ATP8A2: variants seen among roughly 807,000 people sequenced by gnomAD.
The protein encoded by ATP8A2 is ATPase phospholipid transporting 8A2, also known as phospholipid-transporting ATPase IB.
ATP8A2 carries 100 observed loss-of-function variants against 165.6 expected under a neutral mutation model. The ratio of observed to expected loss-of-function variants is 0.60; its 90% confidence interval spans 0.51 to 0.71. The LOEUF is 0.71. ATP8A2 is among the 30% of genes least tolerant of loss of function. ATP8A2 has a pLI of 0.00. For missense variants in ATP8A2, 1,227 were observed against 1,479.5 expected, an observed-to-expected ratio of 0.83 and a Z score of 2.80; for synonymous variants, 543 against 548.8, an observed-to-expected ratio of 0.99 and a Z score of 0.15.
intron 1 of ATP8A2, among the ~76,000 whole-genome samples, chr13:25,427,983 G>A (rs2034498959): frequency 6.6e-6 from 1 of 151,998 alleles, no homozygotes; most frequent in African/African-American, 2.4e-5. Context: ...GATCACTTCA[G>A]CCTAGTCCTT....
At chr13:25,565,340 C>T (rs933791010) in intron 16 of ATP8A2, among the ~76,000 whole-genome samples, 4 of 152,174 alleles carry the variant, frequency 2.6e-5, no homozygotes, top group Non-Finnish European at 4.4e-5. Context: ...GTTTACACTC[C>T]CACCAGCAGT....
intron 25 of ATP8A2, among the ~76,000 whole-genome samples, chr13:25,715,531 T>C (rs1427682337): frequency 1.3e-5 from 2 of 152,184 alleles, no homozygotes; most frequent in Non-Finnish European, 2.9e-5. Flanking sequence ...GGCAACCACT[T>C]ATTTACTTTC....
At position 25,468,800 on chromosome 13, in the gene ATP8A2, C is replaced by T. The variant is rs1447460343; in HGVS notation, c.77-177C>T. On this transcript the variant is annotated intron_variant, in intron 1 of 36. Transcript: ENST00000381655. ...GGGCCGGGGGCGGGGCCGGCCTTGG[C>T]TGCCGCGGCACAGGCGGCGGCGTCT... 9 of 981,682 alleles carry T rather than the reference C, an allele frequency of 9.2e-6. No homozygotes were observed. In the East Asian group the frequency reaches 1.0e-3, roughly 112 times the overall value. The allele number at this position is 981,682 out of a possible 1,614,324, so 60.8% of individuals were successfully genotyped here.
chr13:25,676,359 TC>T (rs1244301013), intron 24 of ATP8A2, among the ~76,000 whole-genome samples: 2 of 152,238 alleles, frequency 1.3e-5, no homozygotes, highest in South Asian at 4.2e-4. Context: ...CAGTAGCTCT[TC>T]CCCCGGCTTG....
intron 35 of ATP8A2, among the ~76,000 whole-genome samples, chr13:25,997,088 G>C (rs7337851): frequency 6.6e-6 from 1 of 151,546 alleles, no homozygotes; most frequent in Non-Finnish European, 1.5e-5. Flanking sequence ...CAAAGTGCTG[G>C]GATTACAGGT....
At chr13:25,948,383 A>C (rs184863826) in intron 33 of ATP8A2, among the ~76,000 whole-genome samples, 1 of 152,286 alleles carries the variant, frequency 6.6e-6, no homozygotes, top group East Asian at 1.9e-4. Flanking sequence ...AGCACCTTTT[A>C]TAGTACTTTA....
chr13:25,591,660 G>A lies in ATP8A2; in HGVS notation c.2211+1961G>A, dbSNP rs553533350. On this transcript the variant is annotated intron_variant, in intron 24 of 36. Transcript: ENST00000381655. ...AGTGCTGTGCCAAACGAGGCTCACC[G>A]CAACCTCCAATTCCTTGGTTCAAGT... Among the ~76,000 whole-genome samples, 92 of 143,364 alleles carry A rather than the reference G, an allele frequency of 6.4e-4. 1 individual carries two copies. The highest frequency in any genetic ancestry group is 1.7e-3 in the African/African-American group (65 of 38,364). The allele number at this position is 143,364 out of a possible 152,430, so 94.1% of individuals were successfully genotyped here. A position where few individuals can be genotyped will look rare whatever the true frequency, so the allele number is the denominator to read the frequency against.
At chr13:25,929,331 G>A (rs1003410238) in intron 33 of ATP8A2, among the ~76,000 whole-genome samples, 1 of 152,150 alleles carries the variant, frequency 6.6e-6, no homozygotes, top group Non-Finnish European at 1.5e-5. Flanking sequence ...TCCTGGAACG[G>A]TGAGGCTGCA....
rs772953071 is a variant in ATP8A2 at position 25,953,392 on chromosome 13, G to A, written c.3184-8183G>A. The stretch of plus-strand genomic sequence containing the variant: ...GAAGTTCTGGCACAGAGTGACGCAC[G>A]AAGAAATTTGAGCTTCCTTCTCCTC... On this transcript the variant is annotated intron_variant, in intron 33 of 36. Coordinates refer to ENST00000381655, the MANE Select transcript of ATP8A2 (RefSeq NM_016529.6). The surrounding 1 kb of genome is among the most constrained non-coding windows in gnomAD (Gnocchi z 6.7). Among the ~76,000 whole-genome samples the A allele has an allele frequency of 3.6e-4, 54 of 152,038 alleles. No individual in the cohort carries two copies. Among genetic ancestry groups the A allele is most frequent in the Admixed American group, 5.9e-4 (9 of 15,264 alleles).
At chr13:25,705,196 C>G (rs777077663) in intron 25 of ATP8A2, 4 of 435,126 alleles carry the variant, frequency 9.2e-6, no homozygotes, top group African/African-American at 4.1e-5. Context: ...GATAAATTCT[C>G]TAGCACAGAC....
At chr13:25,796,825 A>G (rs1950507988) in intron 27 of ATP8A2, among the ~76,000 whole-genome samples, 1 of 152,138 alleles carries the variant, frequency 6.6e-6, no homozygotes, top group Non-Finnish European at 1.5e-5. Flanking sequence ...ACCGTATTAT[A>G]TTTTATTTAG....
chr13:25,684,340 C>T (rs934493829), intron 24 of ATP8A2, among the ~76,000 whole-genome samples: 1 of 152,156 alleles, frequency 6.6e-6, no homozygotes, highest in African/African-American at 2.4e-5. Flanking sequence ...CTTGGAAAGC[C>T]CTGAATAGTC....
intron 24 of ATP8A2, among the ~76,000 whole-genome samples, chr13:25,630,353 T>G (rs2041211002): frequency 6.6e-6 from 1 of 152,206 alleles, no homozygotes; most frequent in African/African-American, 2.4e-5. Flanking sequence ...CCAGGAGAAG[T>G]GGCAGCGTTG....
At chr13:25,945,714 A>G (rs1258274626) in intron 33 of ATP8A2, among the ~76,000 whole-genome samples, 2 of 152,310 alleles carry the variant, frequency 1.3e-5, no homozygotes, top group South Asian at 2.1e-4. Context: ...TAAAGAAAAC[A>G]TTGGAGAAAA....
At position 26,020,252 on chromosome 13, in the gene ATP8A2, C is replaced by T; in HGVS notation, c.*267C>T. Reference sequence around the variant, plus strand: ...TCGTTATGAAGCATTCAACTGTGCTCTGTGAGGTGTGAAATTAAAAACATT... The same window carrying T: ...TCGTTATGAAGCATTCAACTGTGCTTTGTGAGGTGTGAAATTAAAAACATT... On this transcript the variant is annotated 3_prime_UTR_variant, in exon 37 of 37. Transcript: ENST00000381655. 1 of 472,832 alleles carries T rather than the reference C, an allele frequency of 2.1e-6. No homozygotes were observed. Among genetic ancestry groups the T allele is most frequent in the East Asian group, 3.7e-5 (1 of 27,364 alleles). 29.3% of individuals were successfully genotyped at this position (472,832 alleles called of 1,614,324 possible).
intron 24 of ATP8A2, among the ~76,000 whole-genome samples, chr13:25,650,705 T>C (rs74241243): frequency 0.034 from 5,247 of 152,276 alleles, 154 homozygotes; most frequent in East Asian, 0.13. Flanking sequence ...TTATGAACAT[T>C]GTTTCGAGTG....
At chr13:25,591,583 CT>C (rs749798935) in intron 24 of ATP8A2, among the ~76,000 whole-genome samples, 9,548 of 131,752 alleles carry the variant, frequency 0.072, 174 homozygotes, top group African/African-American at 0.11. Flanking sequence ...TAGCTTATAA[CT>C]TTTTTTTTTT....
intron 24 of ATP8A2, among the ~76,000 whole-genome samples, chr13:25,607,956 T>C (rs1429252589): frequency 6.6e-6 from 1 of 152,200 alleles, no homozygotes; most frequent in Non-Finnish European, 1.5e-5. Context: ...TTTTTAAAAA[T>C]AGTGAGTTTT....
intron 1 of ATP8A2, among the ~76,000 whole-genome samples, chr13:25,434,724 C>T (rs1401641988): frequency 6.6e-6 from 1 of 152,144 alleles, no homozygotes; most frequent in East Asian, 1.9e-4. Flanking sequence ...CCCGTGTTCC[C>T]CAGCACCCAG....
Sources: allele counts gnomAD v4.1 joint callset (sites outside exome capture counted in the v4.1 genomes callset), GRCh38; gene constraint gnomAD v4.1.1; non-coding constraint Gnocchi (gnomAD v3.1); transcripts MANE v1.5; gene names NCBI Gene and HGNC (gene_info 2026-07-23, HGNC 2026-07-21).